Variants in USP47 observed in about 807,000 individuals in gnomAD.
USP47 encodes the protein ubiquitin carboxyl-terminal hydrolase 47.
USP47 carries 35 observed loss-of-function variants against 165.1 expected under a neutral mutation model. That is an observed-to-expected ratio of 0.21 (90% CI 0.16 to 0.28). The LOEUF (loss-of-function observed/expected upper bound fraction) is 0.28. USP47 is among the 10% of genes least tolerant of loss of function. The pLI, the probability that USP47 is intolerant of heterozygous loss-of-function variation, is 1.00. For synonymous variants in USP47, 531 were observed against 544.5 expected, an observed-to-expected ratio of 0.98 and a Z score of 0.35; for missense variants, 1,277 against 1,607.4, an observed-to-expected ratio of 0.79 and a Z score of 3.52.
chr11:11,871,726 A>G (rs538961842), intron 1 of USP47, among the ~76,000 whole-genome samples: 4 of 152,064 alleles, frequency 2.6e-5, no homozygotes, highest in Admixed American at 6.6e-5. Flanking sequence ...TCTGCCCTGT[A>G]TCCTGCCCTG....
At chr11:11,857,458 C>T (rs1409772827) in intron 1 of USP47, among the ~76,000 whole-genome samples, 2 of 152,052 alleles carry the variant, frequency 1.3e-5, no homozygotes, top group Non-Finnish European at 2.9e-5. Flanking sequence ...ATTTATTTAC[C>T]TTTAGTTATT....
intron 25 of USP47, among the ~76,000 whole-genome samples, chr11:11,953,112 A>T (rs1475910288): frequency 6.6e-6 from 1 of 152,130 alleles, no homozygotes; most frequent in Non-Finnish European, 1.5e-5. Flanking sequence ...GCCATTCAGA[A>T]GTGGATCCTC....
At chr11:11,850,363 CT>C (rs1225571382) in intron 1 of USP47, among the ~76,000 whole-genome samples, 6 of 149,288 alleles carry the variant, frequency 4.0e-5, no homozygotes. Context: ...AGTTTTTCTA[CT>C]AAGTTCTTAT....
In USP47 at chr11:11,956,340, C is replaced by T. The variant is rs1590478072; in HGVS notation, c.*165C>T. On this transcript the variant is annotated 3_prime_UTR_variant, in exon 28 of 28. Coordinates refer to ENST00000527733, the MANE Select transcript of USP47 (RefSeq NM_001282659.2). Reference sequence around the variant, plus strand: ...CAGAAGCTCAGTGCCCAATGGGCCACTGTTTTGACTCGGAATCATGTTGTG... The same window carrying T: ...CAGAAGCTCAGTGCCCAATGGGCCATTGTTTTGACTCGGAATCATGTTGTG... 1 of 565,522 alleles carries T rather than the reference C, an allele frequency of 1.8e-6. No individual in the cohort carries two copies. Among genetic ancestry groups the T allele is most frequent in the East Asian group, 3.3e-5 (1 of 30,668 alleles). The allele number at this position is 565,522 out of a possible 1,614,324, so 35.0% of individuals were successfully genotyped here.
At chr11:11,909,066 G>C (rs1420705287) in intron 8 of USP47, among the ~76,000 whole-genome samples, 3 of 152,094 alleles carry the variant, frequency 2.0e-5, no homozygotes, top group African/African-American at 7.2e-5. Context: ...AATATCTCAA[G>C]AGACATTAGG....
At chr11:11,948,910 AAAG>A (rs1218329091) in intron 22 of USP47, 3 of 199,824 alleles carry the variant, frequency 1.5e-5, no homozygotes, top group African/African-American at 7.0e-5. Flanking sequence ...TTTAAAAGGA[AAAG>A]AAATTTTTTT....
chr11:11,949,937 C>T lies in USP47; in HGVS notation c.3397C>T (p.Arg1133Trp), dbSNP rs182809869. ...DAVFAKGMTV[R>W]QSKEELIPQL... The stretch of plus-strand genomic sequence containing the variant: ...TGTGTTTGCTAAAGGAATGACTGTA[C>T]GGCAATCAAAAGAGGAATTAATTCC... Residue 1133 changes from arginine to tryptophan, a missense_variant, in exon 23 of 28, where the codon CGG becomes TGG. Arg to Trp is a moderately radical substitution (Grantham distance 101). Around this residue, in one of 4 missense-constraint regions of USP47, gnomAD observed 909 missense variants for 1,068.1 expected, o/e 0.85. Coordinates refer to ENST00000527733, the MANE Select transcript of USP47 (RefSeq NM_001282659.2). The T allele has an allele frequency of 6.3e-5, 101 of 1,612,682 alleles. No homozygotes were observed. The highest frequency in any genetic ancestry group is 5.3e-4 in the Admixed American group (32 of 59,898).
At chr11:11,858,611 GT>G (rs933527891) in intron 1 of USP47, among the ~76,000 whole-genome samples, 50 of 152,218 alleles carry the variant, frequency 3.3e-4, no homozygotes, top group African/African-American at 1.2e-3. Flanking sequence ...CCACTGATCT[GT>G]TTTCTGTCCT....
At chr11:11,891,717 T>C (rs1292653591) in intron 3 of USP47, among the ~76,000 whole-genome samples, 4 of 152,348 alleles carry the variant, frequency 2.6e-5, no homozygotes. Context: ...CAGGATGATA[T>C]AAAAATGAAT....
chr11:11,933,995 C>A, intron 16 of USP47, 60 bp downstream of exon 16: 1 of 1,294,940 alleles, frequency 7.7e-7, no homozygotes, highest in Non-Finnish European at 1.1e-6. Flanking sequence ...ACATAATTTC[C>A]CAAGTTTTTA....
At chr11:11,869,689 G>A (rs1044688777) in intron 1 of USP47, among the ~76,000 whole-genome samples, 1 of 152,152 alleles carries the variant, frequency 6.6e-6, no homozygotes, top group East Asian at 1.9e-4. Flanking sequence ...TTGAATGCTT[G>A]CCGTCTTCAA....
At chr11:11,941,418 T>C (rs1369498348) in intron 19 of USP47, among the ~76,000 whole-genome samples, 1 of 152,050 alleles carries the variant, frequency 6.6e-6, no homozygotes, top group Non-Finnish European at 1.5e-5. Context: ...GATAGTGTTA[T>C]CCTTTTATGC....
chr11:11,856,756 T>C (rs1408163665), intron 1 of USP47: 2 of 152,260 alleles, frequency 1.3e-5, no homozygotes, highest in African/African-American at 2.4e-5. Context: ...AGGCTTATAA[T>C]GATGTGGTTT....
At chr11:11,939,549 G>T (rs1855322439) in intron 18 of USP47, among the ~76,000 whole-genome samples, 1 of 152,042 alleles carries the variant, frequency 6.6e-6, no homozygotes, top group South Asian at 2.1e-4. Flanking sequence ...AAATCATTTT[G>T]TGAAATTATA....
At chr11:11,873,912 G>A in intron 1 of USP47, 1 of 1,071,086 alleles carries the variant, frequency 9.3e-7, no homozygotes, top group East Asian at 2.9e-5. Context: ...GCAAGTAACA[G>A]CATGTTAGTA....
At chr11:11,928,518 G>C (rs1854421209) in intron 11 of USP47, among the ~76,000 whole-genome samples, 1 of 151,964 alleles carries the variant, frequency 6.6e-6, no homozygotes, top group African/African-American at 2.4e-5. Context: ...AAAGAATAAA[G>C]AAGAGAAACC....
intron 1 of USP47, among the ~76,000 whole-genome samples, chr11:11,855,325 T>A (rs1848977622): frequency 1.3e-5 from 2 of 152,216 alleles, no homozygotes; most frequent in Admixed American, 6.5e-5. Flanking sequence ...ACTTGATGTG[T>A]TTGATAATTT....
At chr11:11,916,378 T>C (rs1000324030) in intron 8 of USP47, among the ~76,000 whole-genome samples, 2 of 152,158 alleles carry the variant, frequency 1.3e-5, no homozygotes, top group Non-Finnish European at 2.9e-5. Context: ...TCTGGAATTA[T>C]CAACATGGTA....
chr11:11,952,719 A>T (rs1433375217), intron 24 of USP47, 22 bp from the exon 25 acceptor site: 9 of 1,567,908 alleles, frequency 5.7e-6, no homozygotes, highest in Middle Eastern at 1.7e-4. Flanking sequence ...TAGAATGATG[A>T]CCTAATCTTG....
Sources: allele counts gnomAD v4.1 joint callset (sites outside exome capture counted in the v4.1 genomes callset), GRCh38; gene constraint gnomAD v4.1.1; regional missense constraint gnomAD v4.1.1; transcripts MANE v1.5; gene names NCBI Gene and HGNC (gene_info 2026-07-23, HGNC 2026-07-21).